Variants in HAS3 observed in about 807,000 individuals in gnomAD.
HAS3 encodes the protein HA synthase 3.
In HAS3, 27 loss-of-function variants were observed where a neutral mutation model predicts 50.3. That is an observed-to-expected ratio of 0.54 (90% CI 0.40 to 0.74). The LOEUF (loss-of-function observed/expected upper bound fraction) is 0.74. Among genes scored for constraint, HAS3 ranks in the 30% least tolerant of loss-of-function variants. The pLI is 0.00. For synonymous variants in HAS3, 339 were observed against 310.9 expected (o/e 1.09, Z -0.95); for missense variants, 517 against 742.8 (o/e 0.70, Z 3.53).
the HAS3 span, among the ~76,000 whole-genome samples, chr16:69,097,843 A>G: frequency 1.3e-5 from 2 of 152,124 alleles, no homozygotes; most frequent in East Asian, 3.9e-4. Flanking sequence ...GTGCCTTTTT[A>G]TAATTCCCTC....
chr16:69,092,856 A>G, the HAS3 span, among the ~76,000 whole-genome samples: 1 of 152,184 alleles, frequency 6.6e-6, no homozygotes, highest in Non-Finnish European at 1.5e-5. Flanking sequence ...ACAACCTCAG[A>G]CACCAAAATT....
In HAS3 at chr16:69,115,747, C is replaced by T. The variant is rs776078255; in HGVS notation, c.*481C>T. The T allele has an allele frequency of 2.0e-6, 2 of 986,900 alleles. No homozygotes were observed. The highest frequency in any genetic ancestry group is 2.4e-6 in the Non-Finnish European group (2 of 830,962). The allele number at this position is 986,900 out of a possible 1,614,324, so 61.1% of individuals were successfully genotyped here. Reference sequence around the variant, plus strand: ...CACCCCCACCCCACCCCTAAGTAGTCATCAATGCAATAAGATTGCGCCTGA... The same window carrying T: ...CACCCCCACCCCACCCCTAAGTAGTTATCAATGCAATAAGATTGCGCCTGA... On this transcript the variant is annotated 3_prime_UTR_variant, in exon 4 of 4. Transcript: ENST00000569188.
At chr16:69,113,588 T>C (rs1961080664) in intron 3 of HAS3, 46 bp downstream of exon 3, 2 of 1,138,486 alleles carry the variant, frequency 1.8e-6, no homozygotes, top group South Asian at 2.7e-5. Flanking sequence ...CTGGACTCTT[T>C]TTCCTAATCC....
the HAS3 span, among the ~76,000 whole-genome samples, chr16:69,089,482 G>A: frequency 6.6e-6 from 1 of 152,166 alleles, no homozygotes; most frequent in Non-Finnish European, 1.5e-5. Context: ...GCCTGGCTGT[G>A]TCCTCAGCAA....
chr16:69,108,658 G>A (rs1472271162), intron 1 of HAS3, among the ~76,000 whole-genome samples: 3 of 152,114 alleles, frequency 2.0e-5, no homozygotes, highest in Non-Finnish European at 4.4e-5. Flanking sequence ...CTTCAGCCCT[G>A]GGCTCTAGGA....
At position 69,117,660 on chromosome 16, in the gene HAS3, A is replaced by G; in HGVS notation, c.*2394A>G. The G allele has an allele frequency of 1.0e-6, 1 of 961,416 alleles. No homozygotes were observed. 59.6% of individuals were successfully genotyped at this position (961,416 alleles called of 1,614,324 possible). The stretch of plus-strand genomic sequence containing the variant: ...ATAAAGATTCTCACATATGCCGGTT[A>G]TCTCGAAACTACTACTTTGTATTTA... On this transcript the variant is annotated 3_prime_UTR_variant, in exon 4 of 4. Coordinates refer to ENST00000569188, the MANE Select transcript of HAS3 (RefSeq NM_001199280.2).
At chr16:69,102,020 G>A (rs1408361103), upstream of HAS3, among the ~76,000 whole-genome samples, 1 of 152,122 alleles carries the variant, frequency 6.6e-6, no homozygotes, top group African/African-American at 2.4e-5. Context: ...TCCTGACCTC[G>A]TGATCCACCT....
chr16:69,105,143 G>A (rs1170344295), upstream of HAS3, among the ~76,000 whole-genome samples: 1 of 151,822 alleles, frequency 6.6e-6, no homozygotes, highest in Admixed American at 6.6e-5. Flanking sequence ...GAGTAGCTGG[G>A]ATTACGGGCA....
At position 69,116,960 on chromosome 16, in the gene HAS3, G is replaced by A; in HGVS notation, c.*1694G>A. On this transcript the variant is annotated 3_prime_UTR_variant, in exon 4 of 4. Coordinates refer to ENST00000569188, the MANE Select transcript of HAS3 (RefSeq NM_001199280.2). Reference sequence around the variant, plus strand: ...GACGCAAGGTGTGCTCTGAGCCACAGATGGGCAAACCCTGGTGCTTTCCTT... The same window carrying A: ...GACGCAAGGTGTGCTCTGAGCCACAAATGGGCAAACCCTGGTGCTTTCCTT... The A allele has an allele frequency of 1.0e-6, 1 of 985,468 alleles. No individual in the cohort carries two copies. The highest frequency in any genetic ancestry group is 1.2e-6 in the Non-Finnish European group (1 of 829,950). 61.0% of individuals were successfully genotyped at this position (985,468 alleles called of 1,614,324 possible).
the HAS3 span, among the ~76,000 whole-genome samples, chr16:69,093,821 C>T: frequency 3.3e-5 from 5 of 152,104 alleles, no homozygotes; most frequent in East Asian, 3.9e-4. Context: ...TAAGCCACTG[C>T]GCCCGGCCTA....
In HAS3 at chr16:69,115,243, A is replaced by T; in HGVS notation, c.1639A>T (p.Ser547Cys). ...ATGTGGGAAGAAGCCGGAGCAGTACAGCTTGGCTTTTGCTGAGGTGTGACA... is the reference window on the plus strand; with the variant it reads ...ATGTGGGAAGAAGCCGGAGCAGTACTGCTTGGCTTTTGCTGAGGTGTGACA... ...RRCGKKPEQY[S>C]LAFAEV The change falls in exon 4 of 4, where the codon AGC becomes TGC. Residue 547 changes from serine (S) to cysteine (C), a missense_variant. Ser to Cys is a moderately radical substitution (Grantham distance 112). Transcript: ENST00000569188. The T allele has an allele frequency of 6.6e-7, 1 of 1,525,104 alleles. No individual in the cohort carries two copies. The highest frequency in any genetic ancestry group is 1.4e-5 in the African/African-American group (1 of 72,148). The allele number at this position is 1,525,104 out of a possible 1,614,324, so 94.5% of individuals were successfully genotyped here.
chr16:69,117,240 C>T lies in HAS3; in HGVS notation c.*1974C>T, dbSNP rs1961224301. On this transcript the variant is annotated 3_prime_UTR_variant, in exon 4 of 4. Transcript: ENST00000569188. ...CAGACTTCGCTAAGGGCTTGTTTTTCTTCAGCATTTACTTGAAGATTAATG... is the reference window on the plus strand; with the variant it reads ...CAGACTTCGCTAAGGGCTTGTTTTTTTTCAGCATTTACTTGAAGATTAATG... 1 of 985,876 alleles carries T rather than the reference C, an allele frequency of 1.0e-6. No individual in the cohort carries two copies. The highest frequency in any genetic ancestry group is 1.1e-4 in the East Asian group (1 of 8,822). 61.1% of individuals were successfully genotyped at this position (985,876 alleles called of 1,614,324 possible). A position where few individuals can be genotyped will look rare whatever the true frequency, so the allele number is the denominator to read the frequency against.
At chr16:69,087,313 C>G in the HAS3 span, among the ~76,000 whole-genome samples, 2 of 152,228 alleles carry the variant, frequency 1.3e-5, no homozygotes, top group Non-Finnish European at 2.9e-5. Context: ...TGGCTACAGC[C>G]AAACCCCAGG....
the HAS3 span, among the ~76,000 whole-genome samples, chr16:69,100,319 G>A: frequency 1.3e-5 from 2 of 152,154 alleles, no homozygotes; most frequent in Admixed American, 1.3e-4. Context: ...TGAAGAGAAA[G>A]CCCTGTTTGG....
the HAS3 span, among the ~76,000 whole-genome samples, chr16:69,092,928 G>A: frequency 6.6e-6 from 1 of 152,162 alleles, no homozygotes; most frequent in Non-Finnish European, 1.5e-5. Flanking sequence ...GTGTGTGAAA[G>A]CTCCGCAGCC....
chr16:69,086,558 G>A, the HAS3 span, among the ~76,000 whole-genome samples: 1 of 151,806 alleles, frequency 6.6e-6, no homozygotes. Flanking sequence ...GTGTGTGTGT[G>A]TGTGTATGAA....
At chr16:69,111,070 TAAAA>T (rs941385567) in intron 2 of HAS3, among the ~76,000 whole-genome samples, 1 of 132,206 alleles carries the variant, frequency 7.6e-6, no homozygotes, top group African/African-American at 2.8e-5. Flanking sequence ...CATCTTCAAA[TAAAA>T]AAAACTCAAG....
In HAS3 at chr16:69,115,272, C is replaced by T; in HGVS notation, c.*6C>T. On this transcript the variant is annotated 3_prime_UTR_variant, in exon 4 of 4. Coordinates refer to ENST00000569188, the MANE Select transcript of HAS3 (RefSeq NM_001199280.2). ...TGGCTTTTGCTGAGGTGTGACATGG[C>T]CCCCAAGCAGAGCGGGTAAAGTGCA... 1.3e-6 allele frequency: 2 copies of T among 1,513,006 alleles called. No individual in the cohort carries two copies. The highest frequency in any genetic ancestry group is 1.8e-6 in the Non-Finnish European group (2 of 1,132,844). The allele number at this position is 1,513,006 out of a possible 1,614,324, so 93.7% of individuals were successfully genotyped here. A position where few individuals can be genotyped will look rare whatever the true frequency, so the allele number is the denominator to read the frequency against.
chr16:69,094,811 T>C, the HAS3 span, among the ~76,000 whole-genome samples: 1 of 152,160 alleles, frequency 6.6e-6, no homozygotes, highest in African/African-American at 2.4e-5. Context: ...AAACGGTTGT[T>C]GAAATCTAAT....
Sources: gnomAD v4.1 joint callset for allele counts (sites outside exome capture counted in the v4.1 genomes callset) on GRCh38, gnomAD v4.1.1 for gene constraint, MANE v1.5 for transcripts, NCBI Gene and HGNC (gene_info 2026-07-23, HGNC 2026-07-21) for gene names.